The following NRK variants were observed in gnomAD, a reference collection of about 807,000 sequenced individuals.
NRK encodes the protein nik-related protein kinase.
In NRK, 67 loss-of-function variants were observed where a neutral mutation model predicts 125.2. That is an observed-to-expected ratio of 0.54 (90% CI 0.44 to 0.66). The LOEUF (loss-of-function observed/expected upper bound fraction) is 0.66, where lower values mean the gene tolerates loss of function less well. Among genes scored for constraint, NRK ranks in the 30% least tolerant of loss-of-function variants. The pLI is 0.00. For missense variants in NRK, 1,224 were observed against 1,192.9 expected (o/e 1.03, Z -0.38); for synonymous variants, 458 against 429.0 (o/e 1.07, Z -0.84).
intron 19 of NRK, among the ~76,000 whole-genome samples, chrX:105,928,851 A>G (rs1043797931): frequency 3.6e-5 from 4 of 111,965 alleles, no homozygotes; most frequent in African/African-American, 1.3e-4. Context: ...AGGATACTCA[A>G]TAATAATGTT....
chrX:105,922,247 TG>T (rs2040461435), intron 17 of NRK, among the ~76,000 whole-genome samples, 186 bp downstream of exon 17: 1 of 112,100 alleles, frequency 8.9e-6, no homozygotes, highest in African/African-American at 3.2e-5. Context: ...AAAATTGAAA[TG>T]GGAAAACATT....
chrX:105,864,697 C>G (rs2039647845), intron 2 of NRK, among the ~76,000 whole-genome samples: 1 of 111,596 alleles, frequency 9.0e-6, no homozygotes, highest in African/African-American at 3.3e-5. Flanking sequence ...CTTTGGCTTT[C>G]TGTAAGGCAA....
At chrX:105,831,177 G>A in intron 2 of NRK, 58 bp downstream of exon 2, 1 of 742,807 alleles carries the variant, frequency 1.3e-6, no homozygotes, top group Non-Finnish European at 2.1e-6. Context: ...CAAAGATTGT[G>A]AGTCAGACAC....
chrX:105,822,976 G>C, intron 1 of NRK, 74 bp downstream of exon 1: 1 of 947,091 alleles, frequency 1.1e-6, no homozygotes, highest in Non-Finnish European at 1.5e-6. Context: ...GGAGGGAGCG[G>C]ACGCCCTCAA....
chrX:105,885,153 T>C (rs1307570839), intron 4 of NRK, among the ~76,000 whole-genome samples: 2 of 112,276 alleles, frequency 1.8e-5, no homozygotes, highest in Admixed American at 1.9e-4. Flanking sequence ...GAATATTTCT[T>C]AATAATTTTT....
At chrX:105,876,665 C>A (rs749158460) in intron 2 of NRK, among the ~76,000 whole-genome samples, 2 of 112,058 alleles carry the variant, frequency 1.8e-5, no homozygotes, top group African/African-American at 6.4e-5. Context: ...CGTTCTAAAA[C>A]TAAATTCCTT....
chrX:105,924,226 C>A (rs913758306), intron 18 of NRK, among the ~76,000 whole-genome samples: 4 of 109,820 alleles, frequency 3.6e-5, no homozygotes, highest in Non-Finnish European at 7.6e-5. Flanking sequence ...TATAGCAAAG[C>A]AGTCAGTACA....
At chrX:105,837,469 G>A (rs912658611) in intron 2 of NRK, among the ~76,000 whole-genome samples, 6 of 111,296 alleles carry the variant, frequency 5.4e-5, no homozygotes, top group Non-Finnish European at 1.1e-4. Context: ...CCAAGGCTTC[G>A]TTCCCTGGCA....
chrX:105,896,689 T>C (rs1262818344), intron 7 of NRK, among the ~76,000 whole-genome samples: 4 of 109,618 alleles, frequency 3.6e-5, no homozygotes, highest in African/African-American at 1.3e-4. Context: ...AAAAAAAATG[T>C]TTAATTAGCT....
intron 7 of NRK, among the ~76,000 whole-genome samples, chrX:105,897,509 T>C (rs1031092156): frequency 1.8e-5 from 2 of 112,069 alleles, no homozygotes; most frequent in African/African-American, 6.5e-5. Flanking sequence ...TCTCTTGCTC[T>C]TTTTTCTTTT....
intron 19 of NRK, among the ~76,000 whole-genome samples, chrX:105,928,246 C>A (rs1389463105): frequency 1.8e-5 from 2 of 111,013 alleles, no homozygotes; most frequent in Non-Finnish European, 3.8e-5. Context: ...GGAATTTCTC[C>A]ATTTCCTCTA....
rs770932087 is a variant in NRK, at chrX:105,894,783, G to T, written c.490-650G>T. On this transcript the variant is annotated intron_variant, in intron 6 of 28. Coordinates refer to ENST00000243300, the MANE Select transcript of NRK (RefSeq NM_198465.4). ...TGTAAAGCACTTAGTACAATCCTTG[G>T]CAAAGAATAAGGGCTCAATAAATGT... 7.2e-5 allele frequency among the ~76,000 whole-genome samples: 8 copies of T among 111,832 alleles called. No homozygotes were observed. The South Asian group carries it at 3.0e-3, about 42-fold the overall frequency.
chrX:105,890,482 C>G (rs181999143), intron 5 of NRK, among the ~76,000 whole-genome samples: 1 of 112,040 alleles, frequency 8.9e-6, no homozygotes, highest in Non-Finnish European at 1.9e-5. Flanking sequence ...TCTGTTCTCA[C>G]GCTGCTCGTA....
intron 19 of NRK, among the ~76,000 whole-genome samples, chrX:105,927,994 A>T (rs2040546520): frequency 9.0e-6 from 1 of 111,517 alleles, no homozygotes; most frequent in Admixed American, 9.5e-5. Context: ...GATCAGAGTC[A>T]TACTGACCTC....
intron 2 of NRK, among the ~76,000 whole-genome samples, chrX:105,854,201 C>T (rs2039506014): frequency 8.9e-6 from 1 of 112,039 alleles, no homozygotes; most frequent in African/African-American, 3.2e-5. Context: ...GATTCCCTCT[C>T]CTGATAGAAT....
rs72618325 is a variant in NRK, at chrX:105,886,940, A to G, written c.253-1354A>G. The stretch of plus-strand genomic sequence containing the variant: ...TTTACTTTATATAAAAGTTAACTCA[A>G]AATGGATCAGACACCTAAGTATAAG... On this transcript the variant is annotated intron_variant, in intron 4 of 28. Coordinates refer to ENST00000243300, the MANE Select transcript of NRK (RefSeq NM_198465.4). Among the ~76,000 whole-genome samples, 757 of 111,248 alleles carry G rather than the reference A, an allele frequency of 6.8e-3. 8 individuals carry two copies. The highest frequency in any genetic ancestry group is 0.057 in the South Asian group (153 of 2,662).
chrX:105,906,764 CGTGTGTGTGTGTGTGTGT>C (rs61655627), intron 11 of NRK, among the ~76,000 whole-genome samples, 175 bp downstream of exon 11: 2 of 87,538 alleles, frequency 2.3e-5, no homozygotes, highest in South Asian at 6.5e-4. Context: ...TTTTCTCTTG[CGTGTGTGTGTGTGTGTGT>C]GTGTGTGTGT....
In NRK at chrX:105,956,033, A is replaced by T. The variant is rs2040972753; in HGVS notation, c.*433A>T. On this transcript the variant is annotated 3_prime_UTR_variant, in exon 29 of 29. Transcript: ENST00000243300. ...CTGTGTGTGATTTTTCCAAAGCTAT[A>T]TAAAGAACCAAAGGTTTAGTCAAGA... The T allele has an allele frequency of 8.9e-6, 1 of 112,688 alleles. No homozygotes were observed. The highest frequency in any genetic ancestry group is 3.2e-5 in the African/African-American group (1 of 30,835). The allele number at this position is 112,688 out of a possible 1,213,427, so 9.3% of individuals were successfully genotyped here.
Position 105,906,570 on chromosome X carries a change from TA to T in NRK, c.1009del (p.Arg337AspfsTer8), listed in dbSNP as rs1336364406. ...TAACAAGGCATCTTACTGGAATCAT[TA>T]AAAAAAGACAGAAAAAAGGTAGAAT... ...SLTRHLTGII[K>X]KRQKKGIPLI... On this transcript the variant is annotated frameshift_variant, in exon 11 of 29. Coordinates refer to ENST00000243300, the MANE Select transcript of NRK (RefSeq NM_198465.4). LOFTEE classifies it high-confidence loss of function. 4.6e-6 allele frequency: 5 copies of T among 1,081,061 alleles called. No individual in the cohort carries two copies. The highest frequency in any genetic ancestry group is 2.6e-5 in the Admixed American group (1 of 37,772). The allele number at this position is 1,081,061 out of a possible 1,213,427, so 89.1% of individuals were successfully genotyped here.
Sources: allele counts gnomAD v4.1 joint callset (sites outside exome capture counted in the v4.1 genomes callset), GRCh38; gene constraint gnomAD v4.1.1; transcripts MANE v1.5; gene names NCBI Gene and HGNC (gene_info 2026-07-23, HGNC 2026-07-21).